MYO5B: variants seen among roughly 807,000 people sequenced by gnomAD.
MYO5B encodes unconventional myosin-Vb.
Under a neutral mutation model 229.3 loss-of-function variants are expected in MYO5B, and 143 were observed. That is an observed-to-expected ratio of 0.62 (90% CI 0.54 to 0.72). The LOEUF (loss-of-function observed/expected upper bound fraction) is 0.72. MYO5B is among the 30% of genes least tolerant of loss of function. The probability of loss-of-function intolerance (pLI) is 0.00; values close to 1 mark genes in which losing one functional copy is unlikely to be tolerated. For missense variants in MYO5B, 2,321 were observed against 2,331.0 expected (o/e 1.00, Z 0.09); for synonymous variants, 918 against 885.2 (o/e 1.04, Z -0.66).
At chr18:50,057,694 A>G (rs1261699829) in intron 1 of MYO5B, among the ~76,000 whole-genome samples, 1 of 152,186 alleles carries the variant, frequency 6.6e-6, no homozygotes, top group African/African-American at 2.4e-5. Flanking sequence ...TAGGCATACA[A>G]TTGGCTTCTC....
intron 9 of MYO5B, among the ~76,000 whole-genome samples, chr18:49,979,942 C>G (rs769793623): frequency 6.6e-5 from 10 of 152,336 alleles, no homozygotes; most frequent in Admixed American, 4.6e-4. Flanking sequence ...TGAGCCTTCA[C>G]GGAGCACTTG....
At chr18:49,986,497 T>C (rs2025872329) in intron 7 of MYO5B, among the ~76,000 whole-genome samples, 1 of 151,978 alleles carries the variant, frequency 6.6e-6, no homozygotes, top group African/African-American at 2.4e-5. Context: ...CCTGGAGGAG[T>C]AACAAATTCT....
intron 1 of MYO5B, among the ~76,000 whole-genome samples, chr18:50,068,420 G>A (rs1036331410): frequency 5.9e-5 from 9 of 152,276 alleles, no homozygotes; most frequent in African/African-American, 1.7e-4. Flanking sequence ...CCCTGCCATT[G>A]CCCTGGCTCC....
intron 22 of MYO5B, among the ~76,000 whole-genome samples, chr18:49,887,225 A>T (rs990760274): frequency 3.3e-5 from 5 of 152,084 alleles, no homozygotes; most frequent in African/African-American, 9.7e-5. Context: ...CATTCATAGG[A>T]CTGGAGATTT....
chr18:49,857,619 C>T (rs559283051), intron 29 of MYO5B, among the ~76,000 whole-genome samples: 1 of 152,342 alleles, frequency 6.6e-6, no homozygotes, highest in African/African-American at 2.4e-5. Context: ...CTCCCCTTGA[C>T]CTTGGGACTG....
intron 21 of MYO5B, among the ~76,000 whole-genome samples, chr18:49,899,649 C>T (rs1032516680): frequency 1.3e-5 from 2 of 152,246 alleles, no homozygotes; most frequent in African/African-American, 4.8e-5. Context: ...GCTACTTAAC[C>T]TCTGTGTGCC....
chr18:49,978,780 C>T (rs2025782692), intron 9 of MYO5B, among the ~76,000 whole-genome samples: 1 of 150,812 alleles, frequency 6.6e-6, no homozygotes, highest in African/African-American at 2.4e-5. Flanking sequence ...GGTAAGAACC[C>T]ATGAAAGAAG....
rs1245798848 is a variant in MYO5B, at chr18:49,906,436, C to T, written c.2397G>A (p.Arg799=). ...TGGCTCACCTGCGGGCCAGGTGTCC[C>T]CGGCAGTACCTCTGCAGGGTTAAGG... ...GATLTLQRYC[R]GHLARRLAEH... is the part of the protein sequence containing the mutation. Residue 799 remains arginine (R), a synonymous_variant, in exon 19 of 40, where the codon CGG becomes CGA. Coordinates refer to ENST00000285039, the MANE Select transcript of MYO5B (RefSeq NM_001080467.3). The T allele has an allele frequency of 7.4e-6, 12 of 1,614,100 alleles. No individual in the cohort carries two copies. Among genetic ancestry groups the T allele is most frequent in the Non-Finnish European group, 1.0e-5 (12 of 1,180,022 alleles).
intron 1 of MYO5B, among the ~76,000 whole-genome samples, chr18:50,148,406 C>T (rs1207676964): frequency 1.3e-5 from 2 of 151,508 alleles, no homozygotes; most frequent in South Asian, 2.1e-4. Context: ...GACCAATATC[C>T]TTGATGAACA....
intron 1 of MYO5B, among the ~76,000 whole-genome samples, chr18:50,066,178 AT>A (rs2030815149): frequency 6.6e-6 from 1 of 152,208 alleles, no homozygotes; most frequent in Admixed American, 6.5e-5. Flanking sequence ...ATATGGAAGA[AT>A]TATTATCAGC....
intron 1 of MYO5B, among the ~76,000 whole-genome samples, chr18:50,134,373 G>A (rs181540990): frequency 6.6e-6 from 1 of 152,086 alleles, no homozygotes; most frequent in Admixed American, 6.5e-5. Context: ...AGCCAACACG[G>A]TGAAACCCCA....
chr18:49,992,989 A>G lies in MYO5B; in HGVS notation c.613-558T>C, dbSNP rs568236927. ...TAATACCTTCCTAGCAATACGCCAC[A>G]AATTGACACTCCTTCCCACCTCAGG... On this transcript the variant is annotated intron_variant, in intron 5 of 39. Coordinates refer to ENST00000285039, the MANE Select transcript of MYO5B (RefSeq NM_001080467.3). 1.1e-4 allele frequency among the ~76,000 whole-genome samples: 16 copies of G among 152,280 alleles called. No individual in the cohort carries two copies. In the South Asian group the frequency reaches 3.3e-3, roughly 32 times the overall value.
At chr18:50,034,081 G>T (rs989310606) in intron 4 of MYO5B, among the ~76,000 whole-genome samples, 25 of 152,318 alleles carry the variant, frequency 1.6e-4, no homozygotes, top group African/African-American at 6.0e-4. Context: ...CACCTGAGTT[G>T]TAGTCTCCAA....
chr18:49,857,752 G>T (rs1416607200), intron 29 of MYO5B, among the ~76,000 whole-genome samples: 3 of 152,208 alleles, frequency 2.0e-5, no homozygotes, highest in Non-Finnish European at 4.4e-5. Context: ...GCAGCTCCTG[G>T]AGGTCAGGTG....
At position 49,929,539 on chromosome 18, in the gene MYO5B, C is replaced by T. The variant is rs780177504; in HGVS notation, c.2063G>A (p.Arg688Gln). 12 of 1,607,764 alleles carry T rather than the reference C, an allele frequency of 7.5e-6. No homozygotes were observed. Among genetic ancestry groups the T allele is most frequent in the South Asian group, 3.3e-5 (3 of 90,446 alleles). Residue 688 changes from arginine (R) to glutamine (Q), a missense_variant, in exon 17 of 40, where the codon CGA becomes CAA. Coordinates refer to ENST00000285039, the MANE Select transcript of MYO5B (RefSeq NM_001080467.3). ...GGATGGGTAGCCAGCTGCACTGATT[C>T]GAATCGTCTCCAACACCCCGCAGGC... is the stretch of plus-strand genomic sequence containing the variant. ...LRACGVLETIRISAAGYPSRW... is the reference protein window; with the variant it reads ...LRACGVLETIQISAAGYPSRW...
intron 1 of MYO5B, 88 bp from the exon 2 acceptor site, chr18:50,055,466 G>T: frequency 9.4e-7 from 1 of 1,062,628 alleles, no homozygotes; most frequent in Non-Finnish European, 1.4e-6. Context: ...GTGCCCATCA[G>T]GAGAACTTCT....
rs2025722121 is a variant in MYO5B, at chr18:49,974,401, A to G, written c.1271T>C (p.Leu424Pro). ...GGAGTGCTGCTTGAGGGAGGTGTGC[A>G]GGGCCTTGTTGATGTGCTCCACAAT... ...GWIVEHINKALHTSLKQHSFI... is the reference protein window; with the variant it reads ...GWIVEHINKAPHTSLKQHSFI... The change falls in exon 10 of 40, where the codon CTG becomes CCG. Residue 424 changes from leucine (L) to proline (P), a missense_variant. By Grantham distance (98) the Leu-to-Pro change is moderately conservative. Around this residue, in one of 2 missense-constraint regions of MYO5B, gnomAD observed 2,113 missense variants for 2,044.7 expected, o/e 1.03. Transcript: ENST00000285039. 1.2e-6 allele frequency: 2 copies of G among 1,614,082 alleles called. No individual in the cohort carries two copies. Among genetic ancestry groups the G allele is most frequent in the South Asian group, 1.1e-5 (1 of 91,094 alleles).
At chr18:49,845,749 T>G (rs898565513) in intron 33 of MYO5B, among the ~76,000 whole-genome samples, 2 of 152,148 alleles carry the variant, frequency 1.3e-5, no homozygotes, top group Non-Finnish European at 2.9e-5. Context: ...TGCAGGGGGA[T>G]GCTGGACTGG....
At chr18:49,977,002 T>C (rs1349677321) in intron 9 of MYO5B, among the ~76,000 whole-genome samples, 6 of 152,174 alleles carry the variant, frequency 3.9e-5, no homozygotes, top group Non-Finnish European at 8.8e-5. Flanking sequence ...TGCCAGCAGC[T>C]ACCATGACTG....
Sources: allele counts gnomAD v4.1 joint callset (sites outside exome capture counted in the v4.1 genomes callset), GRCh38; gene constraint gnomAD v4.1.1; regional missense constraint gnomAD v4.1.1; transcripts MANE v1.5; gene names NCBI Gene and HGNC (gene_info 2026-07-23, HGNC 2026-07-21).